The following FGD2 variants were observed in gnomAD, a reference collection of about 807,000 sequenced individuals.
FGD2 encodes FYVE, RhoGEF and PH domain containing 2, also known as FYVE, RhoGEF and PH domain-containing protein 2.
Under a neutral mutation model 75.9 loss-of-function variants are expected in FGD2, and 52 were observed. That is an observed-to-expected ratio of 0.69 (90% confidence interval 0.55 to 0.86). The LOEUF is 0.86. Ranked by LOEUF, FGD2 falls within the 40% of genes least tolerant of loss-of-function variation. FGD2 has a pLI of 0.00. For synonymous variants in FGD2, 347 were observed against 348.6 expected (o/e 1.00, Z 0.05); for missense variants, 790 against 872.0 (o/e 0.91, Z 1.18).
intron 14 of FGD2, 42 bp from the exon 15 acceptor site, chr6:37,027,387 G>A: frequency 1.3e-6 from 2 of 1,568,256 alleles, no homozygotes; most frequent in South Asian, 2.4e-5. Flanking sequence ...TCTGGCACTT[G>A]CGGCTGCTCT....
At chr6:37,023,245 G>A (rs1265444728) in intron 13 of FGD2, 3 of 155,012 alleles carry the variant, frequency 1.9e-5, no homozygotes, top group Non-Finnish European at 4.4e-5. Flanking sequence ...ACTGGTTCAG[G>A]CCTCAGTCTC....
intron 9 of FGD2, among the ~76,000 whole-genome samples, chr6:37,016,108 T>C (rs1765275222): frequency 6.6e-6 from 1 of 152,044 alleles, no homozygotes; most frequent in South Asian, 2.1e-4. Context: ...GGCCTTTCTG[T>C]GCTTTCCCTA....
At chr6:37,006,538 C>T (rs933740844) in intron 1 of FGD2, among the ~76,000 whole-genome samples, 1 of 152,008 alleles carries the variant, frequency 6.6e-6, no homozygotes, top group Non-Finnish European at 1.5e-5. Flanking sequence ...AATGCTGGGG[C>T]GTCTGTCTGG....
At chr6:37,009,529 C>G (rs1442844718) in intron 2 of FGD2, 3 of 154,024 alleles carry the variant, frequency 1.9e-5, no homozygotes, top group Non-Finnish European at 4.3e-5. Flanking sequence ...CTGCAGAGTT[C>G]AAGGGTTGGC....
At chr6:37,022,525 G>T in intron 13 of FGD2, 155 bp downstream of exon 13, 1 of 1,034,154 alleles carries the variant, frequency 9.7e-7, no homozygotes, top group Non-Finnish European at 1.3e-6. Flanking sequence ...ACCTCCACCT[G>T]TCCCTCCGAG....
chr6:37,015,645 G>A (rs777992453), intron 8 of FGD2, 123 bp from the exon 9 acceptor site: 23 of 836,342 alleles, frequency 2.8e-5, no homozygotes, highest in Non-Finnish European at 4.3e-5. Context: ...GCTGGCCAGA[G>A]TGTGTTCAAA....
rs76773332 is a variant in FGD2 at position 37,006,736 on chromosome 6, A to G, written c.68+851A>G. On this transcript the variant is annotated intron_variant, in intron 1 of 15. Coordinates refer to ENST00000274963, the MANE Select transcript of FGD2 (RefSeq NM_173558.4). ...GGTAGGGTTTTCTGGAAATAGACTC[A>G]GACAGAGGTTTGCCTCAGGTGATTT... Among the ~76,000 whole-genome samples, 552 of 152,324 alleles carry G rather than the reference A, an allele frequency of 3.6e-3. 5 individuals are homozygous for G. The highest frequency in any genetic ancestry group is 0.012 in the African/African-American group (517 of 41,566).
chr6:37,006,331 G>GGACC (rs1764749962), intron 1 of FGD2, among the ~76,000 whole-genome samples: 1 of 152,164 alleles, frequency 6.6e-6, no homozygotes, highest in South Asian at 2.1e-4. Flanking sequence ...GGTAAAGCTG[G>GGACC]GACCGTATGA....
At position 37,027,960 on chromosome 6, in the gene FGD2, C is replaced by T; in HGVS notation, c.1765C>T (p.His589Tyr). 1 of 1,614,004 alleles carries T rather than the reference C, an allele frequency of 6.2e-7. No homozygotes were observed. The highest frequency in any genetic ancestry group is 8.5e-7 in the Non-Finnish European group (1 of 1,180,000). ...CTCCTCCCCCCAGGACATGAGGGCT[C>T]ACACCTCCATCCCCCTGCTGGGCTA... is the stretch of plus-strand genomic sequence containing the variant. ...VYAAPQDMRAHTSIPLLGYQV... is the reference protein window; with the variant it reads ...VYAAPQDMRAYTSIPLLGYQV... Residue 589 changes from histidine to tyrosine, a missense_variant, in exon 16 of 16, where the codon CAC becomes TAC. Coordinates refer to ENST00000274963, the MANE Select transcript of FGD2 (RefSeq NM_173558.4).
At chr6:37,005,974 C>T (rs989227280) in intron 1 of FGD2, 89 bp downstream of exon 1, 76 of 1,434,330 alleles carry the variant, frequency 5.3e-5, no homozygotes, top group Middle Eastern at 2.4e-4. Flanking sequence ...GGCCCTGCCC[C>T]GGACCCTCCT....
chr6:37,016,190 T>C (rs1373072345), intron 9 of FGD2, among the ~76,000 whole-genome samples: 1 of 152,182 alleles, frequency 6.6e-6, no homozygotes, highest in Non-Finnish European at 1.5e-5. Flanking sequence ...AAATGCAGGT[T>C]CTGAATCAGG....
At chr6:37,026,785 C>T (rs540634216) in intron 14 of FGD2, among the ~76,000 whole-genome samples, 4 of 151,380 alleles carry the variant, frequency 2.6e-5, no homozygotes, top group Admixed American at 6.6e-5. Flanking sequence ...GGATCACGTG[C>T]GGTCAGGAGT....
intron 1 of FGD2, among the ~76,000 whole-genome samples, chr6:37,008,003 T>C (rs1764830548): frequency 6.6e-6 from 1 of 152,204 alleles, no homozygotes; most frequent in African/African-American, 2.4e-5. Context: ...GTCGCCTGAT[T>C]TGAATCCCAC....
Position 37,027,932 on chromosome 6 carries a change from T to C in FGD2, c.1753-16T>C. ...CTGAGAGGGGACAGTGGCCCACTGC[T>C]CTCTCCTCCCCCCAGGACATGAGGG... is the stretch of plus-strand genomic sequence containing the variant. On this transcript the variant is annotated splice_polypyrimidine_tract_variant and intron_variant, in intron 15 of 15. Transcript: ENST00000274963. 1 of 1,612,598 alleles carries C rather than the reference T, an allele frequency of 6.2e-7. No individual in the cohort carries two copies. The highest frequency in any genetic ancestry group is 1.3e-5 in the African/African-American group (1 of 74,990).
In FGD2 at chr6:37,015,004, G is replaced by A. The variant is rs777342221; in HGVS notation, c.995G>A (p.Arg332His). The A allele has an allele frequency of 9.9e-6, 16 of 1,613,974 alleles. No homozygotes were observed. The highest frequency in any genetic ancestry group is 5.3e-5 in the African/African-American group (4 of 74,924). The change falls in exon 8 of 16, where the codon CGC becomes CAC. Residue 332 changes from arginine to histidine, a missense_variant. Coordinates refer to ENST00000274963, the MANE Select transcript of FGD2 (RefSeq NM_173558.4). The part of the protein sequence containing the change: ...REGPVLKISF[R>H]RNDPMERYLF... Reference sequence around the variant, plus strand: ...GGCCCGGTCCTCAAGATCTCCTTCCGCCGCAACGACCCCATGGAGCGCTAC... The same window carrying A: ...GGCCCGGTCCTCAAGATCTCCTTCCACCGCAACGACCCCATGGAGCGCTAC...
chr6:37,010,944 C>T lies in FGD2; in HGVS notation c.301-29C>T, dbSNP rs202206878. The T allele has an allele frequency of 5.4e-4, 874 of 1,608,968 alleles. 6 individuals are homozygous for T. The African/African-American group carries it at 0.011, about 20-fold the overall frequency. Reference sequence around the variant, plus strand: ...GACCAAAGCTGTCTTCCCCCTTTTTCTCCTTCTCTCCCCTCCAATCCTCCG... The same window carrying T: ...GACCAAAGCTGTCTTCCCCCTTTTTTTCCTTCTCTCCCCTCCAATCCTCCG... On this transcript the variant is annotated intron_variant, in intron 2 of 15. Transcript: ENST00000274963.
rs6916366 is a variant in FGD2, at chr6:37,014,888, C to G, written c.883-4C>G. 0.033 allele frequency: 53,102 copies of G among 1,613,196 alleles called. 1,240 individuals carry two copies. The highest frequency in any genetic ancestry group is 0.088 in the African/African-American group (6,591 of 75,014). ...TTGGCTGAGGATGCACCCCAACCCC[C>G]TAGGAGCGGCTGCAGGACCTGTGGG... On this transcript the variant is annotated splice_polypyrimidine_tract_variant and splice_region_variant and intron_variant, in intron 7 of 15. Coordinates refer to ENST00000274963, the MANE Select transcript of FGD2 (RefSeq NM_173558.4).
chr6:37,026,811 C>T (rs77231288), intron 14 of FGD2, among the ~76,000 whole-genome samples: 1 of 151,768 alleles, frequency 6.6e-6, no homozygotes, highest in Non-Finnish European at 1.5e-5. Flanking sequence ...ACCAGCCTGG[C>T]CCACATGGTG....
chr6:37,027,510 C>T lies in FGD2; in HGVS notation c.1687C>T (p.Pro563Ser), dbSNP rs1765880905. 3.1e-6 allele frequency: 5 copies of T among 1,613,938 alleles called. No homozygotes were observed. Among genetic ancestry groups the T allele is most frequent in the South Asian group, 1.1e-5 (1 of 91,082 alleles). The part of the protein sequence containing the change: ...LIGDKWGKSG[P>S]RGWCVIPRDD... ...CGGGGACAAGTGGGGCAAGAGCGGC[C>T]CCCGGGGCTGGTGTGTGATCCCTCG... Residue 563 changes from proline (P) to serine (S), a missense_variant, in exon 15 of 16, where the codon CCC becomes TCC. Physicochemically the swap from Pro to Ser is moderately conservative, Grantham distance 74. Coordinates refer to ENST00000274963, the MANE Select transcript of FGD2 (RefSeq NM_173558.4).
Sources: allele counts gnomAD v4.1 joint callset (sites outside exome capture counted in the v4.1 genomes callset), GRCh38; gene constraint gnomAD v4.1.1; transcripts MANE v1.5; gene names NCBI Gene and HGNC (gene_info 2026-07-23, HGNC 2026-07-21).